The following TAB2 variants were observed in gnomAD, a reference collection of about 807,000 sequenced individuals.
TAB2 encodes TGF-beta activated kinase 1 (MAP3K7) binding protein 2.
TAB2 carries 3 observed loss-of-function variants against 65.0 expected under a neutral mutation model. The ratio of observed to expected loss-of-function variants is 0.05; its 90% confidence interval spans 0.02 to 0.12. The LOEUF is 0.12. TAB2 is among the 10% of genes least tolerant of loss of function. The pLI is 1.00. For synonymous variants in TAB2, 298 were observed against 285.1 expected (o/e 1.05, Z -0.46); for missense variants, 623 against 840.3 (o/e 0.74, Z 3.20).
At chr6:149,262,166 G>A (rs1328239765) in intron 1 of TAB2, among the ~76,000 whole-genome samples, 5 of 152,100 alleles carry the variant, frequency 3.3e-5, no homozygotes, top group Non-Finnish European at 7.4e-5. Context: ...AGATGATGAG[G>A]CTCTCAATGA....
intron 1 of TAB2, among the ~76,000 whole-genome samples, chr6:149,362,420 G>C (rs1780881643): frequency 6.6e-6 from 1 of 152,080 alleles, no homozygotes; most frequent in African/African-American, 2.4e-5. Context: ...ACACACTTTT[G>C]AACAGCCATA....
rs758016253 is a variant in TAB2 at position 149,379,241 on chromosome 6, A to C, written c.1326A>C (p.Ala442=). The C allele has an allele frequency of 1.9e-6, 3 of 1,614,220 alleles. No homozygotes were observed. The highest frequency in any genetic ancestry group is 1.7e-6 in the Non-Finnish European group (2 of 1,180,048). ...ATCACCATCCTCCCAAAAGTCGAGC[A>C]ATAGGCAATAACTCTGCAACCTCTC... The part of the protein sequence containing the change: ...FIHHHPPKSR[A]IGNNSATSPR... The change falls in exon 3 of 7, where the codon GCA becomes GCC. Residue 442 remains alanine, a synonymous_variant. Transcript: ENST00000637181.
intron 1 of TAB2, among the ~76,000 whole-genome samples, chr6:149,252,176 G>A (rs1461452831): frequency 6.6e-6 from 1 of 152,128 alleles, no homozygotes; most frequent in Non-Finnish European, 1.5e-5. Context: ...GGAGGCCGAG[G>A]CGGGTGGATC....
chr6:149,317,442 TGCTCCCCC>T (rs1207983544), upstream of TAB2: 4 of 174,210 alleles, frequency 2.3e-5, no homozygotes, highest in East Asian at 7.0e-4. The surrounding 1 kb of genome is among the most constrained non-coding windows in gnomAD (Gnocchi z 4.7). Flanking sequence ...CGCCGCCTGC[TGCTCCCCC>T]GCCGTTCGGC....
chr6:149,361,664 C>T (rs1441687800), intron 1 of TAB2, among the ~76,000 whole-genome samples: 3 of 152,152 alleles, frequency 2.0e-5, no homozygotes, highest in South Asian at 2.1e-4. Context: ...ATTCCTCTCC[C>T]GAAAAAGCCT....
intron 6 of TAB2, among the ~76,000 whole-genome samples, chr6:149,403,244 A>AT (rs1252325270): frequency 2.5e-3 from 125 of 49,830 alleles, no homozygotes; most frequent in South Asian, 8.9e-3. Flanking sequence ...TAAAAAAAAA[A>AT]AAAATATATA....
intron 6 of TAB2, among the ~76,000 whole-genome samples, chr6:149,409,370 CATGT>C (rs1463110095): frequency 2.6e-5 from 4 of 151,942 alleles, no homozygotes; most frequent in African/African-American, 9.7e-5. Flanking sequence ...GTGATTACAT[CATGT>C]TCATGTTGTA....
chr6:149,385,588 T>A (rs144428582), intron 3 of TAB2, among the ~76,000 whole-genome samples: 3 of 152,166 alleles, frequency 2.0e-5, no homozygotes, highest in Non-Finnish European at 4.4e-5. Context: ...TACTTGTAGG[T>A]TCCTCCCAGT....
At chr6:149,255,813 A>G (rs781506842) in intron 1 of TAB2, among the ~76,000 whole-genome samples, 3 of 152,248 alleles carry the variant, frequency 2.0e-5, no homozygotes, top group Non-Finnish European at 4.4e-5. Context: ...TACATTTAGA[A>G]TTGCCTCTCT....
chr6:149,405,381 G>A (rs1409237393), intron 6 of TAB2, among the ~76,000 whole-genome samples: 1 of 152,164 alleles, frequency 6.6e-6, no homozygotes, highest in Non-Finnish European at 1.5e-5. Context: ...AAAATTGTAT[G>A]ATCTCGCAAT....
chr6:149,335,429 C>T (rs996823598), intron 1 of TAB2, among the ~76,000 whole-genome samples: 1 of 151,946 alleles, frequency 6.6e-6, no homozygotes. Context: ...GGCAGTGGTA[C>T]AATCATAGCT....
chr6:149,289,117 C>G (rs1298384758), intron 1 of TAB2, among the ~76,000 whole-genome samples: 1 of 152,004 alleles, frequency 6.6e-6, no homozygotes, highest in Non-Finnish European at 1.5e-5. Flanking sequence ...CCTCAGCCTC[C>G]CAAAGTCCTG....
intron 6 of TAB2, among the ~76,000 whole-genome samples, chr6:149,402,900 A>C (rs114408953): frequency 0.016 from 2,398 of 152,262 alleles, 52 homozygotes; most frequent in South Asian, 0.097. Context: ...ATCTTAATAG[A>C]TGCTAAAAAG....
chr6:149,346,257 C>T (rs950380713), intron 1 of TAB2, among the ~76,000 whole-genome samples: 3 of 152,046 alleles, frequency 2.0e-5, no homozygotes, highest in Middle Eastern at 3.2e-3. Flanking sequence ...TGCACACGCC[C>T]ACGCATGCAC....
At chr6:149,351,390 A>G (rs1203917486) in intron 1 of TAB2, among the ~76,000 whole-genome samples, 1 of 152,236 alleles carries the variant, frequency 6.6e-6, no homozygotes, top group East Asian at 1.9e-4. Flanking sequence ...TTTAAAATAA[A>G]TAATTACTAC....
intron 1 of TAB2, among the ~76,000 whole-genome samples, chr6:149,320,723 C>T (rs1364850998): frequency 1.3e-5 from 2 of 151,770 alleles, no homozygotes; most frequent in South Asian, 2.1e-4. Context: ...TATTTTTTAT[C>T]ATACTTCAGA....
chr6:149,266,447 C>G (rs1206729292), intron 1 of TAB2, among the ~76,000 whole-genome samples: 2 of 152,218 alleles, frequency 1.3e-5, no homozygotes, highest in Non-Finnish European at 2.9e-5. Flanking sequence ...CTTCCCTTTG[C>G]TGGGATTTCG....
intron 1 of TAB2, among the ~76,000 whole-genome samples, chr6:149,324,877 A>G (rs914364154): frequency 6.7e-5 from 10 of 149,298 alleles, no homozygotes; most frequent in African/African-American, 2.5e-4. Flanking sequence ...GCTCGCTGCA[A>G]TCTCAAACTC....
At chr6:149,396,466 T>C (rs1275403136) in intron 3 of TAB2, among the ~76,000 whole-genome samples, 2 of 152,248 alleles carry the variant, frequency 1.3e-5, no homozygotes, top group African/African-American at 4.8e-5. Context: ...GTAATCTGTT[T>C]GGCTTTTTCA....
Sources: allele counts gnomAD v4.1 joint callset (sites outside exome capture counted in the v4.1 genomes callset), GRCh38; gene constraint gnomAD v4.1.1; non-coding constraint Gnocchi (gnomAD v3.1); transcripts MANE v1.5; gene names NCBI Gene and HGNC (gene_info 2026-07-23, HGNC 2026-07-21).